PRKG1: variants seen among roughly 807,000 people sequenced by gnomAD.
PRKG1 encodes protein kinase cGMP-dependent 1.
PRKG1 carries 35 observed loss-of-function variants against 88.1 expected under a neutral mutation model. The ratio of observed to expected loss-of-function variants is 0.40; its 90% CI spans 0.30 to 0.53. The LOEUF (loss-of-function observed/expected upper bound fraction) is 0.53. Ranked by LOEUF, PRKG1 falls within the 20% of genes least tolerant of loss-of-function variation. The pLI is 0.59. For synonymous variants in PRKG1, 303 were observed against 292.5 expected, an observed-to-expected ratio of 1.04 and a Z score of -0.37; for missense variants, 540 against 839.8, an observed-to-expected ratio of 0.64 and a Z score of 4.41.
At chr10:52,037,035 C>A (rs1452285719) in intron 5 of PRKG1, among the ~76,000 whole-genome samples, 1 of 152,278 alleles carries the variant, frequency 6.6e-6, no homozygotes, top group African/African-American at 2.4e-5. Flanking sequence ...CAGTCTTCAG[C>A]CGCTAAGCCG....
chr10:51,657,811 TG>T (rs1195140760), intron 3 of PRKG1, among the ~76,000 whole-genome samples: 1 of 152,154 alleles, frequency 6.6e-6, no homozygotes, highest in Non-Finnish European at 1.5e-5. Flanking sequence ...AGAGACTTCC[TG>T]GTGAGATTTA....
intron 2 of PRKG1, among the ~76,000 whole-genome samples, chr10:51,321,164 G>C (rs151328015): frequency 6.6e-6 from 1 of 152,112 alleles, no homozygotes; most frequent in South Asian, 2.1e-4. Context: ...AAATAAGTTA[G>C]TATTAGTGTG....
intron 1 of PRKG1, among the ~76,000 whole-genome samples, chr10:51,127,340 C>T (rs1845454445): frequency 6.6e-6 from 1 of 151,962 alleles, no homozygotes; most frequent in Admixed American, 6.6e-5. Flanking sequence ...TATTTGTTGC[C>T]AAGAAACATA....
At chr10:51,171,438 G>T (rs569908328) in intron 2 of PRKG1, among the ~76,000 whole-genome samples, 116 of 152,206 alleles carry the variant, frequency 7.6e-4, no homozygotes, top group African/African-American at 2.7e-3. Context: ...TAGTCATTCA[G>T]GCACCCAGGT....
intron 1 of PRKG1, among the ~76,000 whole-genome samples, chr10:51,043,451 A>C (rs1007590811): frequency 6.6e-6 from 1 of 152,016 alleles, no homozygotes; most frequent in African/African-American, 2.4e-5. Context: ...ATGACTACAC[A>C]CCTTCCAACC....
At chr10:52,263,896 AT>A (rs1206309538) in intron 10 of PRKG1, among the ~76,000 whole-genome samples, 3 of 151,984 alleles carry the variant, frequency 2.0e-5, no homozygotes, top group Non-Finnish European at 4.4e-5. Context: ...ATCTCTCAAG[AT>A]TTACCTTTTC....
At chr10:51,273,852 C>T (rs937617718) in intron 2 of PRKG1, among the ~76,000 whole-genome samples, 1 of 152,184 alleles carries the variant, frequency 6.6e-6, no homozygotes, top group South Asian at 2.1e-4. Context: ...CTTATGCTTT[C>T]GGCACCGGAT....
chr10:51,309,571 A>G (rs2132486279), intron 2 of PRKG1, among the ~76,000 whole-genome samples: 1 of 152,336 alleles, frequency 6.6e-6, no homozygotes, highest in East Asian at 1.9e-4. Context: ...TAGGATGGCT[A>G]TTACTAAAAA....
At chr10:51,310,159 G>A (rs1841146447) in intron 2 of PRKG1, among the ~76,000 whole-genome samples, 1 of 152,106 alleles carries the variant, frequency 6.6e-6, no homozygotes, top group Admixed American at 6.6e-5. Context: ...CATTGTTCAG[G>A]TGATGGCTAC....
intron 1 of PRKG1, among the ~76,000 whole-genome samples, chr10:51,085,340 A>G (rs1358889670): frequency 1.3e-5 from 2 of 152,192 alleles, no homozygotes; most frequent in Non-Finnish European, 2.9e-5. Flanking sequence ...CATATCCTTC[A>G]CAGAGAAATA....
At chr10:51,764,555 G>A (rs1313088106) in intron 3 of PRKG1, among the ~76,000 whole-genome samples, 1 of 152,126 alleles carries the variant, frequency 6.6e-6, no homozygotes, top group Admixed American at 6.5e-5. Context: ...AAAGGATGTA[G>A]TATGACCTCT....
At chr10:52,102,034 A>T (rs1334876141) in intron 7 of PRKG1, among the ~76,000 whole-genome samples, 1 of 152,198 alleles carries the variant, frequency 6.6e-6, no homozygotes, top group Non-Finnish European at 1.5e-5. Context: ...AAGGGAAAAG[A>T]TAAACATCAG....
intron 9 of PRKG1, among the ~76,000 whole-genome samples, chr10:52,233,546 G>T (rs1207250172): frequency 6.7e-6 from 1 of 148,508 alleles, no homozygotes; most frequent in Non-Finnish European, 1.5e-5. Context: ...TCAAAGAAAG[G>T]GGTGACGGAC....
chr10:51,727,675 C>T lies in PRKG1; in HGVS notation c.593-76910C>T, dbSNP rs12261251. 8.3e-3 allele frequency among the ~76,000 whole-genome samples: 1,268 copies of T among 152,154 alleles called. 20 individuals are homozygous for T. The highest frequency in any genetic ancestry group is 0.028 in the African/African-American group (1,181 of 41,490). Reference sequence around the variant, plus strand: ...TACCCTATATCTTAACTCATATCTCCGGAGAGTAGTTCAATAGGCTGGTAG... The same window carrying T: ...TACCCTATATCTTAACTCATATCTCTGGAGAGTAGTTCAATAGGCTGGTAG... On this transcript the variant is annotated intron_variant, in intron 3 of 17. Coordinates refer to ENST00000373980, the MANE Select transcript of PRKG1 (RefSeq NM_006258.4).
chr10:51,677,339 CA>C (rs1840736213), intron 3 of PRKG1, among the ~76,000 whole-genome samples: 1 of 152,070 alleles, frequency 6.6e-6, no homozygotes, highest in South Asian at 2.1e-4. Context: ...TTCAATAATG[CA>C]CACACTCTTG....
intron 3 of PRKG1, among the ~76,000 whole-genome samples, chr10:51,534,693 A>T (rs899395595): frequency 3.3e-5 from 5 of 151,546 alleles, no homozygotes; most frequent in Non-Finnish European, 7.4e-5. Flanking sequence ...GAAAGAAAGA[A>T]AGGCAGTTCT....
intron 2 of PRKG1, among the ~76,000 whole-genome samples, chr10:51,463,930 C>T (rs1030365382): frequency 1.3e-5 from 2 of 152,138 alleles, no homozygotes; most frequent in African/African-American, 4.8e-5. Flanking sequence ...AAAGTACAGA[C>T]ACTGTGTTTT....
chr10:52,064,728 G>A (rs755796369), intron 7 of PRKG1, among the ~76,000 whole-genome samples: 15 of 152,146 alleles, frequency 9.9e-5, no homozygotes, highest in Non-Finnish European at 1.3e-4. Flanking sequence ...TACCCAGGGA[G>A]CTCCCATCCC....
chr10:51,682,945 A>C (rs1339548005), intron 3 of PRKG1, among the ~76,000 whole-genome samples: 1 of 152,224 alleles, frequency 6.6e-6, no homozygotes, highest in African/African-American at 2.4e-5. Flanking sequence ...CTACCTCTGC[A>C]ACTTGACTCC....
Sources: gnomAD v4.1 joint callset for allele counts (sites outside exome capture counted in the v4.1 genomes callset) on GRCh38, gnomAD v4.1.1 for gene constraint, MANE v1.5 for transcripts, NCBI Gene and HGNC (gene_info 2026-07-23, HGNC 2026-07-21) for gene names.